The following SFI1 variants were observed in gnomAD, a reference collection of about 807,000 sequenced individuals.
The protein encoded by SFI1 is protein SFI1 homolog.
A neutral mutation model predicts 207.5 loss-of-function variants in SFI1; 195 were observed. That is an observed-to-expected ratio of 0.94 (90% CI 0.84 to 1.06). The LOEUF is 1.06. SFI1 is among the 50% of genes least tolerant of loss of function. SFI1 has a pLI of 0.00. For synonymous variants in SFI1, 630 were observed against 598.9 expected, an observed-to-expected ratio of 1.05 and a Z score of -0.76; for missense variants, 1,634 against 1,588.0, an observed-to-expected ratio of 1.03 and a Z score of -0.49.
chr22:31,519,546 C>T (rs185200178), intron 2 of SFI1, among the ~76,000 whole-genome samples: 2 of 152,186 alleles, frequency 1.3e-5, no homozygotes, highest in Admixed American at 6.6e-5. Context: ...AAGCAATTCT[C>T]CTGCCTCAGC....
Position 31,618,502 on chromosome 22 carries a change from A to T in SFI1, c.*84A>T. On this transcript the variant is annotated 3_prime_UTR_variant, in exon 33 of 33. Coordinates refer to ENST00000400288, the MANE Select transcript of SFI1 (RefSeq NM_001007467.3). ...GGAACAGAACACAGTTTTAAGTTTGATTTTTTTTATTTCAAAATGCTTTGC... is the reference window on the plus strand; with the variant it reads ...GGAACAGAACACAGTTTTAAGTTTGTTTTTTTTTATTTCAAAATGCTTTGC... 7.8e-7 allele frequency: 1 copy of T among 1,280,876 alleles called. No homozygotes were observed. Among genetic ancestry groups the T allele is most frequent in the South Asian group, 1.9e-5 (1 of 53,592 alleles). The allele number at this position is 1,280,876 out of a possible 1,614,324, so 79.3% of individuals were successfully genotyped here.
chr22:31,504,126 T>C (rs1216876506), intron 1 of SFI1, among the ~76,000 whole-genome samples: 2 of 152,094 alleles, frequency 1.3e-5, no homozygotes, highest in East Asian at 3.9e-4. Flanking sequence ...CATGTACAAA[T>C]AGGTAGAATG....
chr22:31,586,593 G>C (rs1202512455), intron 14 of SFI1, among the ~76,000 whole-genome samples: 1 of 152,176 alleles, frequency 6.6e-6, no homozygotes, highest in East Asian at 1.9e-4. Context: ...CATGCCTTTG[G>C]ATTATGTTAC....
intron 15 of SFI1, among the ~76,000 whole-genome samples, chr22:31,592,987 G>A (rs1410267846): frequency 8.5e-6 from 1 of 117,970 alleles, no homozygotes; most frequent in Non-Finnish European, 1.8e-5. Flanking sequence ...GCGGGGGGCT[G>A]ACCCCCCCAC....
At chr22:31,604,280 A>G in intron 18 of SFI1, 29 bp from the exon 19 acceptor site, 1 of 1,546,490 alleles carries the variant, frequency 6.5e-7, no homozygotes, top group Non-Finnish European at 8.7e-7. Context: ...ACCCCAGCCC[A>G]CGGTAGCTGC....
chr22:31,550,131 A>G lies in SFI1; in HGVS notation c.450-123A>G, dbSNP rs993020634. The G allele has an allele frequency of 1.5e-5, 9 of 616,980 alleles. No homozygotes were observed. The South Asian group carries it at 2.0e-4, about 14-fold the overall frequency. The allele number at this position is 616,980 out of a possible 1,614,324, so 38.2% of individuals were successfully genotyped here. ...TTTAGTTGAGATGGGGTTTCACCATATCGGCCAGGCTGGTCTTGAACTCCT... is the reference window on the plus strand; with the variant it reads ...TTTAGTTGAGATGGGGTTTCACCATGTCGGCCAGGCTGGTCTTGAACTCCT... On this transcript the variant is annotated intron_variant, in intron 5 of 32. Transcript: ENST00000400288.
intron 14 of SFI1, chr22:31,587,276 GTAGGT>G (rs2146324280): frequency 2.9e-6 from 1 of 345,948 alleles, no homozygotes; most frequent in African/African-American, 2.1e-5. Context: ...GGAGGACTGT[GTAGGT>G]TATATGCAGA....
chr22:31,604,254 G>A, intron 18 of SFI1, 55 bp from the exon 19 acceptor site: 1 of 1,414,618 alleles, frequency 7.1e-7, no homozygotes. Flanking sequence ...AAAGCAGGAA[G>A]CCACCCCCAA....
At chr22:31,549,425 G>A (rs1276414013) in intron 5 of SFI1, among the ~76,000 whole-genome samples, 2 of 149,842 alleles carry the variant, frequency 1.3e-5, no homozygotes, top group Non-Finnish European at 2.9e-5. Context: ...TTGGCTCACT[G>A]CAACCACTGC....
intron 12 of SFI1, among the ~76,000 whole-genome samples, chr22:31,581,507 G>C (rs576521629): frequency 6.6e-6 from 1 of 151,642 alleles, no homozygotes; most frequent in East Asian, 2.0e-4. Flanking sequence ...GGTTGGGCTG[G>C]TCGCAAACTC....
Position 31,575,273 on chromosome 22 carries a change from A to C in SFI1, c.965A>C (p.Tyr322Ser). The C allele has an allele frequency of 6.2e-7, 1 of 1,612,564 alleles. No homozygotes were observed. The highest frequency in any genetic ancestry group is 1.7e-4 in the Middle Eastern group (1 of 6,050). Residue 322 changes from tyrosine to serine, a missense_variant, in exon 10 of 33, where the codon TAC becomes TCC. Physicochemically the swap from Tyr to Ser is moderately radical, Grantham distance 144 (BLOSUM62 -2). Transcript: ENST00000400288. The stretch of plus-strand genomic sequence containing the variant: ...CATCATGTCACTGTGCTCCAGATAT[A>C]CTTCTGTGACTGGCAGCAGGCCTGG... ...RFHHVTVLQIYFCDWQQAWER... is the reference protein window; with the variant it reads ...RFHHVTVLQISFCDWQQAWER...
At position 31,508,357 on chromosome 22, in the gene SFI1, G is replaced by A; in HGVS notation, c.73G>A (p.Glu25Lys). Reference sequence around the variant, plus strand: ...TCAAAAAGTGATTAAGCAGAGAATGGAGAAGAAGGTTGATTCCAGGTGAGT... The same window carrying A: ...TCAAAAAGTGATTAAGCAGAGAATGAAGAAGAAGGTTGATTCCAGGTGAGT... ...FHQKVIKQRM[E>K]KKVDSRYFKD... Residue 25 changes from glutamate (E) to lysine (K), a missense_variant, in exon 2 of 33, where the codon GAG (glutamate) becomes AAG (lysine). Coordinates refer to ENST00000400288, the MANE Select transcript of SFI1 (RefSeq NM_001007467.3). The A allele has an allele frequency of 1.9e-6, 3 of 1,612,562 alleles. No homozygotes were observed. Among genetic ancestry groups the A allele is most frequent in the Non-Finnish European group, 2.5e-6 (3 of 1,179,104 alleles).
At chr22:31,582,228 ATATATATATTTTTTTT>A (rs2064365359) in intron 12 of SFI1, among the ~76,000 whole-genome samples, 1 of 33,816 alleles carries the variant, frequency 3.0e-5, no homozygotes, top group South Asian at 1.4e-3. Flanking sequence ...ATATATATAT[ATATATATATTTTTTTT>A]TTTTTTTTTT....
rs930200183 is a variant in SFI1 at position 31,612,114 on chromosome 22, C to T, written c.2490+274C>T. The T allele has an allele frequency of 3.6e-6, 4 of 1,105,640 alleles. No individual in the cohort carries two copies. The African/African-American group carries it at 6.7e-5, about 19-fold the overall frequency. The allele number at this position is 1,105,640 out of a possible 1,614,324, so 68.5% of individuals were successfully genotyped here. A position where few individuals can be genotyped will look rare whatever the true frequency, so the allele number is the denominator to read the frequency against. ...TCAGTGGAGGCCGGGCGCAGTGGCT[C>T]ACGCCTGTAATCCCAGCACTTTGGG... On this transcript the variant is annotated intron_variant, in intron 24 of 32. Transcript: ENST00000400288.
At chr22:31,502,643 G>C (rs1213787096) in intron 1 of SFI1, among the ~76,000 whole-genome samples, 1 of 152,026 alleles carries the variant, frequency 6.6e-6, no homozygotes, top group Non-Finnish European at 1.5e-5. Flanking sequence ...TGAAGTCGTG[G>C]GATTACAGGC....
At chr22:31,565,486 T>A (rs1048931050) in intron 8 of SFI1, among the ~76,000 whole-genome samples, 1 of 147,670 alleles carries the variant, frequency 6.8e-6, no homozygotes, top group Admixed American at 6.9e-5. Flanking sequence ...CACTTGAGTT[T>A]AGGAGTTCAA....
At chr22:31,539,000 C>A (rs1185951305) in intron 4 of SFI1, among the ~76,000 whole-genome samples, 1 of 152,224 alleles carries the variant, frequency 6.6e-6, no homozygotes, top group Non-Finnish European at 1.5e-5. Flanking sequence ...CATCCTCCCC[C>A]TCTCAGTGAG....
At chr22:31,518,043 G>A (rs2056761578) in intron 2 of SFI1, among the ~76,000 whole-genome samples, 1 of 152,134 alleles carries the variant, frequency 6.6e-6, no homozygotes, top group African/African-American at 2.4e-5. Flanking sequence ...CCCAGCAGGA[G>A]TGGCACAATC....
In SFI1 at chr22:31,616,860, C is replaced by G. The variant is rs773117479; in HGVS notation, c.3416C>G (p.Pro1139Arg). The G allele has an allele frequency of 6.2e-7, 1 of 1,611,838 alleles. No homozygotes were observed. Among genetic ancestry groups the G allele is most frequent in the Non-Finnish European group, 8.5e-7 (1 of 1,178,816 alleles). The change falls in exon 30 of 33, where the codon CCT (proline) becomes CGT (arginine). Residue 1139 changes from proline to arginine, a missense_variant. Pro to Arg is a moderately radical substitution (Grantham distance 103). Coordinates refer to ENST00000400288, the MANE Select transcript of SFI1 (RefSeq NM_001007467.3). ...PGDFSATRAGPGLSTAGSLDL... is the reference protein window; with the variant it reads ...PGDFSATRAGRGLSTAGSLDL... ...GACTTCTCAGCCACCAGGGCTGGGCCTGGACTTTCAACTGCAGGTGTGTAC... is the reference window on the plus strand; with the variant it reads ...GACTTCTCAGCCACCAGGGCTGGGCGTGGACTTTCAACTGCAGGTGTGTAC...
Sources: allele counts gnomAD v4.1 joint callset (sites outside exome capture counted in the v4.1 genomes callset), GRCh38; gene constraint gnomAD v4.1.1; transcripts MANE v1.5; gene names NCBI Gene and HGNC (gene_info 2026-07-23, HGNC 2026-07-21).